Variants in SNX29 observed in about 807,000 individuals in gnomAD.
SNX29 encodes the protein sorting nexin 29.
Under a neutral mutation model 102.1 loss-of-function variants are expected in SNX29, and 78 were observed. That is an observed-to-expected ratio of 0.76 (90% CI 0.64 to 0.92). The LOEUF (loss-of-function observed/expected upper bound fraction) is 0.92. SNX29 is among the 40% of genes least tolerant of loss of function. The pLI, the probability that SNX29 is intolerant of heterozygous loss-of-function variation, is 0.00. For missense variants in SNX29, 1,280 were observed against 1,061.7 expected, an observed-to-expected ratio of 1.21 and a Z score of -2.86; for synonymous variants, 580 against 414.5, an observed-to-expected ratio of 1.40 and a Z score of -4.85.
chr16:12,315,694 A>G (rs969722080), intron 15 of SNX29, among the ~76,000 whole-genome samples: 2 of 152,160 alleles, frequency 1.3e-5, no homozygotes, highest in African/African-American at 4.8e-5. Flanking sequence ...CCCCTCTACA[A>G]CTGTGGGAAG....
chr16:12,300,271 G>T (rs2080124775), intron 15 of SNX29, among the ~76,000 whole-genome samples: 1 of 152,182 alleles, frequency 6.6e-6, no homozygotes, highest in Admixed American at 6.5e-5. Context: ...TGAATGAAAA[G>T]AACCCTTTTT....
intron 13 of SNX29, among the ~76,000 whole-genome samples, chr16:12,182,575 C>T (rs545658460): frequency 2.0e-5 from 3 of 152,242 alleles, no homozygotes; most frequent in African/African-American, 4.8e-5. Flanking sequence ...GCAGGAGCTC[C>T]GCACCCCTGC....
At chr16:12,251,652 G>C (rs1012676438) in intron 14 of SNX29, among the ~76,000 whole-genome samples, 3 of 152,180 alleles carry the variant, frequency 2.0e-5, no homozygotes, top group Admixed American at 6.5e-5. Flanking sequence ...GCAGTGAGCT[G>C]AGATCGTGCC....
At position 12,288,054 on chromosome 16, in the gene SNX29, T is replaced by C. The variant is rs572482629; in HGVS notation, c.1782+10018T>C. Among the ~76,000 whole-genome samples, 284 of 152,316 alleles carry C rather than the reference T, an allele frequency of 1.9e-3. 2 individuals are homozygous for C. The highest frequency in any genetic ancestry group is 6.5e-3 in the African/African-American group (269 of 41,556). ...AAATTTTTTTAACTAGCTGGGTACA[T>C]CAGCATGCCTGTGGTCCCAGCCACT... is the stretch of plus-strand genomic sequence containing the variant. On this transcript the variant is annotated intron_variant, in intron 15 of 20. Coordinates refer to ENST00000566228, the MANE Select transcript of SNX29 (RefSeq NM_032167.5).
At chr16:12,278,160 C>T (rs2079315030) in intron 15 of SNX29, 124 bp downstream of exon 15, 1 of 721,180 alleles carries the variant, frequency 1.4e-6, no homozygotes, top group Non-Finnish European at 2.4e-6. Context: ...CTCAGCCCCA[C>T]AAAACAAAGC....
At chr16:12,265,930 A>C (rs1296629765) in intron 14 of SNX29, among the ~76,000 whole-genome samples, 1 of 151,996 alleles carries the variant, frequency 6.6e-6, no homozygotes. Flanking sequence ...TTGGCATGAG[A>C]ATAGAAAGTA....
intron 13 of SNX29, among the ~76,000 whole-genome samples, chr16:12,141,452 A>G (rs1164562447): frequency 2.6e-5 from 4 of 152,248 alleles, no homozygotes; most frequent in Non-Finnish European, 4.4e-5. Flanking sequence ...AGTGAAGGCA[A>G]GTTTATTAGA....
At chr16:12,224,053 C>CGTG (rs2077545741) in intron 14 of SNX29, among the ~76,000 whole-genome samples, 1 of 152,132 alleles carries the variant, frequency 6.6e-6, no homozygotes, top group South Asian at 2.1e-4. Flanking sequence ...TTGCCTTGCC[C>CGTG]GTGGTAGCCT....
At chr16:12,350,272 C>T (rs773450580) in intron 15 of SNX29, among the ~76,000 whole-genome samples, 19 of 152,240 alleles carry the variant, frequency 1.2e-4, no homozygotes, top group African/African-American at 2.6e-4. Flanking sequence ...CTGTACTGAA[C>T]GTGTACAGAC....
intron 20 of SNX29, among the ~76,000 whole-genome samples, chr16:12,547,562 C>T (rs578236321): frequency 3.3e-5 from 5 of 152,160 alleles, no homozygotes; most frequent in East Asian, 1.9e-4. Context: ...CTGTGGTTAA[C>T]ATCCCCCTCC....
Position 12,568,636 on chromosome 16 carries a change from C to T in SNX29, c.*7C>T. 1 of 1,601,792 alleles carries T rather than the reference C, an allele frequency of 6.2e-7. No homozygotes were observed. The highest frequency in any genetic ancestry group is 8.5e-7 in the Non-Finnish European group (1 of 1,179,696). On this transcript the variant is annotated 3_prime_UTR_variant, in exon 21 of 21. Coordinates refer to ENST00000566228, the MANE Select transcript of SNX29 (RefSeq NM_032167.5). ...CCAGAGCGGTGACCTCTGACCTCGA[C>T]AAAACCGCAGCCACGGGCCCTGTGC... is the stretch of plus-strand genomic sequence containing the variant.
intron 20 of SNX29, among the ~76,000 whole-genome samples, chr16:12,529,307 C>A (rs147221709): frequency 5.3e-5 from 8 of 152,202 alleles, no homozygotes; most frequent in Non-Finnish European, 1.2e-4. Flanking sequence ...TGGGAAGCCC[C>A]GTGCTGTGTT....
chr16:12,540,610 G>A (rs1033540829), intron 20 of SNX29, among the ~76,000 whole-genome samples: 3 of 152,190 alleles, frequency 2.0e-5, no homozygotes, highest in African/African-American at 7.2e-5. Context: ...AGATTCCATG[G>A]GGTGGACCTA....
chr16:12,049,097 A>G (rs2050203079), intron 7 of SNX29, among the ~76,000 whole-genome samples: 1 of 152,186 alleles, frequency 6.6e-6, no homozygotes, highest in Non-Finnish European at 1.5e-5. Context: ...GCTATGGGGA[A>G]CATCTGCCAT....
At chr16:12,279,235 T>G (rs1457056819) in intron 15 of SNX29, among the ~76,000 whole-genome samples, 11 of 152,216 alleles carry the variant, frequency 7.2e-5, no homozygotes, top group Non-Finnish European at 5.9e-5. Context: ...TAGACATACC[T>G]GAGCTTGGGT....
intron 18 of SNX29, among the ~76,000 whole-genome samples, chr16:12,410,461 G>C (rs1342278851): frequency 6.6e-6 from 1 of 151,874 alleles, no homozygotes; most frequent in Non-Finnish European, 1.5e-5. Flanking sequence ...TTATTACTTT[G>C]TTGGAGACAG....
At chr16:12,386,238 C>T (rs192375855) in intron 16 of SNX29, among the ~76,000 whole-genome samples, 6 of 152,336 alleles carry the variant, frequency 3.9e-5, no homozygotes, top group Admixed American at 3.9e-4. Context: ...CCTGGGGCCT[C>T]GTGTGCTGGT....
intron 18 of SNX29, among the ~76,000 whole-genome samples, chr16:12,475,962 A>G (rs2087572516): frequency 6.6e-6 from 1 of 152,120 alleles, no homozygotes; most frequent in South Asian, 2.1e-4. Flanking sequence ...TGTACTTGCC[A>G]CTCTCCAAGG....
intron 1 of SNX29, among the ~76,000 whole-genome samples, chr16:11,984,881 C>T (rs750514902): frequency 1.6e-4 from 24 of 152,158 alleles, no homozygotes; most frequent in Non-Finnish European, 2.5e-4. Context: ...TCTTGAACTC[C>T]AGACCTCAAG....
Sources: gnomAD v4.1 joint callset for allele counts (sites outside exome capture counted in the v4.1 genomes callset) on GRCh38, gnomAD v4.1.1 for gene constraint, MANE v1.5 for transcripts, NCBI Gene and HGNC (gene_info 2026-07-23, HGNC 2026-07-21) for gene names.